CACNA1D: variants seen among roughly 807,000 people sequenced by gnomAD.
CACNA1D encodes the protein calcium voltage-gated channel subunit alpha1 D.
In CACNA1D, 55 loss-of-function variants were observed where a neutral mutation model predicts 257.1. That is an observed-to-expected ratio of 0.21 (90% confidence interval 0.17 to 0.27). CACNA1D has a LOEUF of 0.27. Among genes scored for constraint, CACNA1D ranks in the 10% least tolerant of loss-of-function variants. CACNA1D has a pLI of 1.00. For synonymous variants in CACNA1D, 980 were observed against 1,014.9 expected (o/e 0.97, Z 0.65); for missense variants, 1,876 against 2,784.0 (o/e 0.67, Z 7.34).
chr3:53,708,568 A>G (rs969672282), intron 9 of CACNA1D, among the ~76,000 whole-genome samples: 1 of 152,198 alleles, frequency 6.6e-6, no homozygotes, highest in Non-Finnish European at 1.5e-5. Flanking sequence ...GTCTGCCATC[A>G]CCTTCAGCCT....
intron 3 of CACNA1D, among the ~76,000 whole-genome samples, chr3:53,559,074 T>C (rs955593500): frequency 6.6e-6 from 1 of 152,192 alleles, no homozygotes. Context: ...TTTTTTTCTC[T>C]TCATGTTTTA....
At chr3:53,775,354 A>G (rs1028686635) in intron 34 of CACNA1D, among the ~76,000 whole-genome samples, 1 of 152,176 alleles carries the variant, frequency 6.6e-6, no homozygotes, top group East Asian at 1.9e-4. Flanking sequence ...AGGTGGGTGG[A>G]TCGCTTGAGC....
intron 3 of CACNA1D, among the ~76,000 whole-genome samples, chr3:53,583,548 A>G (rs937555467): frequency 2.6e-5 from 4 of 152,172 alleles, no homozygotes; most frequent in African/African-American, 9.7e-5. Flanking sequence ...CCTTGACCTG[A>G]GGGGTCTGCA....
chr3:53,495,145 G>T lies in CACNA1D; in HGVS notation c.-22G>T. Reference sequence around the variant, plus strand: ...CCAGCACAGTGCCCTGCACACAGTAGTCGCTCAATAAATGTTCGTGGATGA... The same window carrying T: ...CCAGCACAGTGCCCTGCACACAGTATTCGCTCAATAAATGTTCGTGGATGA... On this transcript the variant is annotated 5_prime_UTR_variant, in exon 1 of 48. Coordinates refer to ENST00000350061, the MANE Select transcript of CACNA1D (RefSeq NM_001128840.3). The surrounding 1 kb of genome is among the most constrained non-coding windows in gnomAD (Gnocchi z 5.1). 1 of 1,569,702 alleles carries T rather than the reference G, an allele frequency of 6.4e-7. No homozygotes were observed. The highest frequency in any genetic ancestry group is 8.7e-7 in the Non-Finnish European group (1 of 1,145,372).
chr3:53,573,817 CCTT>C (rs948340614), intron 3 of CACNA1D, among the ~76,000 whole-genome samples: 39 of 152,264 alleles, frequency 2.6e-4, no homozygotes, highest in African/African-American at 9.4e-4. Flanking sequence ...AGTGGGCTCT[CCTT>C]ATCCTTTTTA....
Position 53,798,318 on chromosome 3 carries a change from T to C in CACNA1D, c.4924-1931T>C, listed in dbSNP as rs1056225644. On this transcript the variant is annotated intron_variant, in intron 40 of 47. Coordinates refer to ENST00000350061, the MANE Select transcript of CACNA1D (RefSeq NM_001128840.3). ...GTGTGTGTATGTGTGCGTGTGTGTG[T>C]GTGTGTGTGCGTGTGTGTGCGTGTG... Among the ~76,000 whole-genome samples, 127 of 149,356 alleles carry C rather than the reference T, an allele frequency of 8.5e-4. 1 individual carries two copies. Among genetic ancestry groups the C allele is most frequent in the Middle Eastern group, 6.9e-3 (2 of 288 alleles).
intron 9 of CACNA1D, among the ~76,000 whole-genome samples, chr3:53,703,157 G>A (rs1337268985): frequency 1.3e-5 from 2 of 152,224 alleles, no homozygotes; most frequent in East Asian, 1.9e-4. Flanking sequence ...AGAAGCTGTG[G>A]TTTCCCTCAC....
intron 30 of CACNA1D, among the ~76,000 whole-genome samples, chr3:53,762,303 C>T (rs1177465968): frequency 3.3e-5 from 5 of 152,166 alleles, no homozygotes; most frequent in Non-Finnish European, 5.9e-5. Flanking sequence ...GGAGGACAGG[C>T]CTTTTTGCAG....
chr3:53,733,950 GTGTATGTA>G (rs71617718), intron 19 of CACNA1D, among the ~76,000 whole-genome samples: 5 of 144,108 alleles, frequency 3.5e-5, no homozygotes, highest in African/African-American at 5.2e-5. Flanking sequence ...GTGTGTGTGT[GTGTATGTA>G]TGTATGTATG....
intron 8 of CACNA1D, among the ~76,000 whole-genome samples, chr3:53,689,508 A>C (rs1016706258): frequency 9.9e-5 from 15 of 151,982 alleles, no homozygotes; most frequent in Non-Finnish European, 1.6e-4. Context: ...TGGGGTCTGC[A>C]TGGAGGTGCA....
At chr3:53,719,695 G>A (rs1261304228) in intron 10 of CACNA1D, 60 bp from the exon 11 acceptor site, 5 of 1,428,262 alleles carry the variant, frequency 3.5e-6, no homozygotes, top group Non-Finnish European at 4.9e-6. Flanking sequence ...CTGAAATGAT[G>A]GGGAGTGTGT....
chr3:53,614,050 A>G (rs1206388379), intron 3 of CACNA1D, among the ~76,000 whole-genome samples: 1 of 149,486 alleles, frequency 6.7e-6, no homozygotes, highest in Non-Finnish European at 1.5e-5. Flanking sequence ...GCCAGCTACT[A>G]GGAGGCCAAG....
intron 3 of CACNA1D, among the ~76,000 whole-genome samples, chr3:53,519,336 G>A (rs563133971): frequency 2.2e-4 from 34 of 152,084 alleles, no homozygotes; most frequent in South Asian, 8.3e-4. Context: ...TTTCTTGCCT[G>A]TTTCAAAAAC....
intron 3 of CACNA1D, among the ~76,000 whole-genome samples, chr3:53,567,172 C>G (rs1485663388): frequency 6.6e-6 from 1 of 152,180 alleles, no homozygotes; most frequent in Non-Finnish European, 1.5e-5. Context: ...TAGCATGGTG[C>G]CAGAGGCATG....
At chr3:53,732,226 C>T (rs1229344153) in intron 18 of CACNA1D, 144 bp downstream of exon 18, 15 of 715,264 alleles carry the variant, frequency 2.1e-5, no homozygotes, top group South Asian at 5.9e-5. Context: ...CCAGTTAGCT[C>T]GCCTTTTTCC....
intron 3 of CACNA1D, among the ~76,000 whole-genome samples, chr3:53,622,737 C>T (rs2093710632): frequency 6.6e-6 from 1 of 151,958 alleles, no homozygotes; most frequent in East Asian, 1.9e-4. Context: ...TGCACTCGTA[C>T]CCCTGAACTT....
chr3:53,679,495 C>T (rs2094409112), intron 8 of CACNA1D: 1 of 151,942 alleles, frequency 6.6e-6, no homozygotes. Context: ...TCACCATATT[C>T]AGAATAAAAC....
intron 3 of CACNA1D, among the ~76,000 whole-genome samples, chr3:53,546,792 G>A (rs1406701618): frequency 6.6e-6 from 1 of 152,132 alleles, no homozygotes; most frequent in Non-Finnish European, 1.5e-5. Context: ...CCTAGCAGTG[G>A]GCAAGAGACT....
intron 14 of CACNA1D, among the ~76,000 whole-genome samples, chr3:53,724,620 C>T (rs1019534315): frequency 6.6e-6 from 1 of 152,194 alleles, no homozygotes; most frequent in African/African-American, 2.4e-5. Context: ...AGCACATGCT[C>T]CCCTGACTCT....
Sources: gnomAD v4.1 joint callset for allele counts (sites outside exome capture counted in the v4.1 genomes callset) on GRCh38, gnomAD v4.1.1 for gene constraint, Gnocchi (gnomAD v3.1) non-coding constraint, MANE v1.5 for transcripts, NCBI Gene and HGNC (gene_info 2026-07-23, HGNC 2026-07-21) for gene names.